Variants in TROAP observed in about 807,000 individuals in gnomAD.
TROAP encodes trophinin associated protein.
Under a neutral mutation model 83.4 loss-of-function variants are expected in TROAP, and 62 were observed. The observed-to-expected ratio is 0.74, with a 90% CI of 0.61 to 0.92. The LOEUF (loss-of-function observed/expected upper bound fraction) is 0.92, where lower values mean the gene tolerates loss of function less well. Among genes scored for constraint, TROAP ranks in the 40% least tolerant of loss-of-function variants. The probability of loss-of-function intolerance (pLI) is 0.00; values close to 1 mark genes in which losing one functional copy is unlikely to be tolerated. For missense variants in TROAP, 876 were observed against 985.1 expected (o/e 0.89, Z 1.48); for synonymous variants, 352 against 386.4 (o/e 0.91, Z 1.04).
chr12:49,328,603 T>G (rs1368463238), intron 8 of TROAP, among the ~76,000 whole-genome samples: 2 of 151,872 alleles, frequency 1.3e-5, no homozygotes, highest in Non-Finnish European at 2.9e-5. Context: ...GGTGGCTTAC[T>G]CCTGTAATCC....
In TROAP at chr12:49,324,909, CTTTTT is replaced by C. The variant is rs891098022; in HGVS notation, c.338-576_338-572del. 1.1e-4 allele frequency among the ~76,000 whole-genome samples: 12 copies of C among 112,552 alleles called. No homozygotes were observed. The Admixed American group carries it at 1.1e-3, about 10-fold the overall frequency. The allele number at this position is 112,552 out of a possible 152,430, so 73.8% of individuals were successfully genotyped here. A position where few individuals can be genotyped will look rare whatever the true frequency, so the allele number is the denominator to read the frequency against. ...CACCCAGCTAATTTTTGTTTTCTTT[CTTTTT>C]TTTTTTTTTTTTTTTGAGACAGAGT... On this transcript the variant is annotated intron_variant, in intron 3 of 14. Transcript: ENST00000257909.
At chr12:49,327,007 TC>T (rs1225134244) in intron 7 of TROAP, among the ~76,000 whole-genome samples, 1 of 152,158 alleles carries the variant, frequency 6.6e-6, no homozygotes, top group Non-Finnish European at 1.5e-5. Flanking sequence ...CATCACCACA[TC>T]CCCAGCCTAC....
chr12:49,327,165 G>A (rs766091660), intron 7 of TROAP, 44 bp from the exon 8 acceptor site: 12 of 1,608,982 alleles, frequency 7.5e-6, no homozygotes, highest in South Asian at 1.1e-5. Context: ...CCAAACTTTG[G>A]TGGGTGTTCT....
intron 3 of TROAP, chr12:49,324,417 A>G (rs564083482): frequency 6.7e-4 from 320 of 478,170 alleles, no homozygotes; most frequent in Non-Finnish European, 1.1e-3. Context: ...TGTCACAATC[A>G]GTTGCTCTGT....
In TROAP at chr12:49,331,389, C is replaced by G; in HGVS notation, c.2274C>G (p.Leu758=). 6.2e-7 allele frequency: 1 copy of G among 1,613,418 alleles called. No individual in the cohort carries two copies. The highest frequency in any genetic ancestry group is 8.5e-7 in the Non-Finnish European group (1 of 1,179,522). ...GCACCAACCCTGTGGCTACATTACTCGAATGGCAGGATGCCCTGGTGAGAC... is the reference window on the plus strand; with the variant it reads ...GCACCAACCCTGTGGCTACATTACTGGAATGGCAGGATGCCCTGGTGAGAC... ...RVCTNPVATL[L]EWQDALCFIP... Residue 758 remains leucine, a synonymous_variant, in exon 14 of 15, where the codon CTC becomes CTG. Transcript: ENST00000257909.
At position 49,328,795 on chromosome 12, in the gene TROAP, C is replaced by A. The variant is rs961811846; in HGVS notation, c.892-132C>A. On this transcript the variant is annotated intron_variant, in intron 8 of 14. Transcript: ENST00000257909. ...AGGAGAATGGTGTGAACCCGGGATG[C>A]GGAGCTTGCAGTGAGCCAAGATCGC... 10 of 1,263,202 alleles carry A rather than the reference C, an allele frequency of 7.9e-6. No homozygotes were observed. The Admixed American group carries it at 2.3e-4, about 29-fold the overall frequency. The allele number at this position is 1,263,202 out of a possible 1,614,324, so 78.2% of individuals were successfully genotyped here. A position where few individuals can be genotyped will look rare whatever the true frequency, so the allele number is the denominator to read the frequency against.
intron 3 of TROAP, 124 bp from the exon 4 acceptor site, chr12:49,325,377 A>AAT: frequency 9.1e-7 from 1 of 1,093,980 alleles, no homozygotes; most frequent in South Asian, 1.9e-5. Flanking sequence ...AAAAAAAAAA[A>AAT]AAAAAATAAG....
At position 49,329,825 on chromosome 12, in the gene TROAP, G is replaced by T; in HGVS notation, c.1165-32G>T. 1 of 1,609,706 alleles carries T rather than the reference G, an allele frequency of 6.2e-7. No individual in the cohort carries two copies. The highest frequency in any genetic ancestry group is 8.5e-7 in the Non-Finnish European group (1 of 1,177,206). On this transcript the variant is annotated intron_variant, in intron 11 of 14. Transcript: ENST00000257909. This position sits in a 1 kb window ranked among gnomAD's most constrained non-coding sequence, Gnocchi z 4.5. ...CTGGTCTTTCTCCTGCCCCAGCCTG[G>T]CTTGCTTGTGTGCCTTGTTCCTTGG...
chr12:49,328,989 T>G lies in TROAP; in HGVS notation c.954T>G (p.His318Gln). 1 of 1,610,044 alleles carries G rather than the reference T, an allele frequency of 6.2e-7. No homozygotes were observed. The change falls in exon 9 of 15, where the codon CAT becomes CAG. Residue 318 changes from histidine (H) to glutamine (Q), a missense_variant. Physicochemically the swap from His to Gln is conservative, Grantham distance 24. This residue lies in a region of TROAP where 689 missense variants were observed against 722.6 expected (regional missense o/e 0.95). Transcript: ENST00000257909. Reference sequence around the variant, plus strand: ...CTGTGGCCCAGCCCTTGCCTGGCCATGTGGTGCCATGTCCATCACCCTTTG... The same window carrying G: ...CTGTGGCCCAGCCCTTGCCTGGCCAGGTGGTGCCATGTCCATCACCCTTTG... ...PAPVAQPLPG[H>Q]VVPCPSPFGR...
At chr12:49,325,949 C>A (rs1352316063) in intron 5 of TROAP, 65 bp downstream of exon 5, 162 of 1,604,014 alleles carry the variant, frequency 1.0e-4, no homozygotes, top group South Asian at 7.7e-5. Flanking sequence ...CAAAGCTGGG[C>A]TCTGGGAGAA....
chr12:49,330,768 G>A lies in TROAP; in HGVS notation c.1923G>A (p.Leu641=), dbSNP rs1489925440. ...CAGGGCCCTGCCCTAGGGTAGAGCT[G>A]GGGGCATCAGAGCCCTGCACCCTGG... ...GPPGPCPRVE[L]GASEPCTLEH... is the part of the protein sequence containing the mutation. The change falls in exon 13 of 15, where the codon CTG becomes CTA. Residue 641 remains leucine (L), a synonymous_variant. Coordinates refer to ENST00000257909, the MANE Select transcript of TROAP (RefSeq NM_005480.4). The A allele has an allele frequency of 6.2e-7, 1 of 1,613,986 alleles. No homozygotes were observed. The highest frequency in any genetic ancestry group is 8.5e-7 in the Non-Finnish European group (1 of 1,179,958).
rs779171030 is a variant in TROAP at position 49,327,338 on chromosome 12, G to T, written c.891+8G>T. ...GAAATGTCACATACCAGGGTGAGAT[G>T]CGACTCTCCTGGGATGGTGGGTGGG... On this transcript the variant is annotated splice_region_variant and intron_variant, in intron 8 of 14. Coordinates refer to ENST00000257909, the MANE Select transcript of TROAP (RefSeq NM_005480.4). The T allele has an allele frequency of 1.2e-6, 2 of 1,613,572 alleles. No individual in the cohort carries two copies. Among genetic ancestry groups the T allele is most frequent in the Non-Finnish European group, 1.7e-6 (2 of 1,179,676 alleles).
chr12:49,326,570 T>G (rs977574431), intron 6 of TROAP, 98 bp from the exon 7 acceptor site: 121 of 1,300,876 alleles, frequency 9.3e-5, no homozygotes, highest in African/African-American at 3.1e-4. Context: ...TTAGTTGTCA[T>G]GAGAATGAAA....
intron 14 of TROAP, 29 bp downstream of exon 14, chr12:49,331,436 G>A: frequency 1.9e-6 from 3 of 1,609,050 alleles, no homozygotes; most frequent in Non-Finnish European, 2.5e-6. Context: ...GCCCAGCTGT[G>A]GCTGCACAGT....
intron 3 of TROAP, 141 bp downstream of exon 3, chr12:49,324,178 C>T (rs761526397): frequency 1.9e-6 from 3 of 1,614,168 alleles, no homozygotes; most frequent in East Asian, 2.2e-5. Flanking sequence ...TCCTGGAAAG[C>T]TCTTTGCTCT....
At chr12:49,330,988 C>T (rs1250896207) in intron 13 of TROAP, 45 bp downstream of exon 13, 6 of 1,600,540 alleles carry the variant, frequency 3.7e-6, no homozygotes, top group Middle Eastern at 1.6e-4. Context: ...GAGGTCCTCA[C>T]CTCACTGTGA....
Position 49,323,632 on chromosome 12 carries a change from G to T in TROAP, c.24G>T (p.Lys8Asn). 6.2e-7 allele frequency: 1 copy of T among 1,614,028 alleles called. No individual in the cohort carries two copies. The highest frequency in any genetic ancestry group is 8.5e-7 in the Non-Finnish European group (1 of 1,179,984). Residue 8 changes from lysine (K) to asparagine (N), a missense_variant, in exon 2 of 15, where the codon AAG (lysine) becomes AAT (asparagine). Physicochemically the swap from Lys to Asn is moderately conservative, Grantham distance 94. Around this residue, in one of 3 missense-constraint regions of TROAP, gnomAD observed 689 missense variants for 722.6 expected, o/e 0.95. Coordinates refer to ENST00000257909, the MANE Select transcript of TROAP (RefSeq NM_005480.4). The part of the protein sequence containing the change: MTTRQAT[K>N]DPLLRGVSPT... The stretch of plus-strand genomic sequence containing the variant: ...TCATGACCACCCGGCAAGCCACGAA[G>T]GATCCCCTCCTCCGGGGTGTATCTC...
Position 49,331,401 on chromosome 12 carries a change from T to C in TROAP, c.2286T>C (p.Asp762=). 1.2e-6 allele frequency: 2 copies of C among 1,612,744 alleles called. No individual in the cohort carries two copies. Among genetic ancestry groups the C allele is most frequent in the Non-Finnish European group, 1.7e-6 (2 of 1,178,980 alleles). Residue 762 remains aspartate, a synonymous_variant, in exon 14 of 15, where the codon GAT becomes GAC. Coordinates refer to ENST00000257909, the MANE Select transcript of TROAP (RefSeq NM_005480.4). ...TGGCTACATTACTCGAATGGCAGGA[T>C]GCCCTGGTGAGACTCCAACCCACAG... is the stretch of plus-strand genomic sequence containing the variant. ...NPVATLLEWQ[D]ALCFIPVGSA... is the part of the protein sequence containing the mutation.
rs1943486558 is a variant in TROAP, at chr12:49,325,602, C to T, written c.439C>T (p.Leu147=). Residue 147 remains leucine (L), a synonymous_variant, in exon 4 of 15, where the codon CTG becomes TTG. Coordinates refer to ENST00000257909, the MANE Select transcript of TROAP (RefSeq NM_005480.4). ...CTGTCACCTGGGGCGCCAGCCTAGT[C>T]TGGCTAAAAGAGTACTGGTTCGAGG... ...KSCHLGRQPS[L]AKRVLVRGSQ... The T allele has an allele frequency of 2.5e-6, 4 of 1,613,842 alleles. No individual in the cohort carries two copies. In the Admixed American group the frequency reaches 5.0e-5, roughly 20 times the overall value.
Sources: gnomAD v4.1 joint callset for allele counts (sites outside exome capture counted in the v4.1 genomes callset) on GRCh38, gnomAD v4.1.1 for gene constraint, gnomAD v4.1.1 regional missense constraint, Gnocchi (gnomAD v3.1) non-coding constraint, MANE v1.5 for transcripts, NCBI Gene and HGNC (gene_info 2026-07-23, HGNC 2026-07-21) for gene names.